FREM2: variants seen among roughly 807,000 people sequenced by gnomAD.
The protein encoded by FREM2 is FRAS1 related extracellular matrix 2, also known as FRAS1-related extracellular matrix protein 2.
In FREM2, 119 loss-of-function variants were observed where a neutral mutation model predicts 219.9. The ratio of observed to expected loss-of-function variants is 0.54; its 90% CI spans 0.47 to 0.63. The LOEUF (loss-of-function observed/expected upper bound fraction) is 0.63. Among genes scored for constraint, FREM2 ranks in the 30% least tolerant of loss-of-function variants. The pLI is 0.00. For missense variants in FREM2, 4,030 were observed against 3,993.6 expected, an observed-to-expected ratio of 1.01 and a Z score of -0.25; for synonymous variants, 1,562 against 1,522.8, an observed-to-expected ratio of 1.03 and a Z score of -0.60.
chr13:38,701,730 A>C (rs949364773), intron 2 of FREM2, among the ~76,000 whole-genome samples: 6 of 152,054 alleles, frequency 3.9e-5, no homozygotes, highest in African/African-American at 1.4e-4. Context: ...TCACTCTTCA[A>C]CACCAGGCTC....
chr13:38,751,889 TGTGTGTG>T (rs1872787723), intron 2 of FREM2, among the ~76,000 whole-genome samples: 9 of 150,814 alleles, frequency 6.0e-5, no homozygotes, highest in African/African-American at 1.9e-4. Context: ...TGTGTGTGTG[TGTGTGTG>T]TTTTCCTTTT....
intron 6 of FREM2, among the ~76,000 whole-genome samples, chr13:38,842,228 G>T (rs916974323): frequency 2.4e-4 from 36 of 152,204 alleles, no homozygotes; most frequent in Admixed American, 4.6e-4. Context: ...TAAGTAGCTT[G>T]TGAATAATCC....
At chr13:38,710,228 A>G (rs1250918392) in intron 2 of FREM2, among the ~76,000 whole-genome samples, 4 of 152,120 alleles carry the variant, frequency 2.6e-5, no homozygotes, top group African/African-American at 9.7e-5. Context: ...CATCAATGAT[A>G]TTGGTCACGG....
At chr13:38,824,669 G>A (rs1009839349) in intron 6 of FREM2, among the ~76,000 whole-genome samples, 8 of 151,982 alleles carry the variant, frequency 5.3e-5, no homozygotes, top group African/African-American at 1.9e-4. Flanking sequence ...TCTGGGTGGG[G>A]CCACAGGAGC....
chr13:38,772,000 T>C (rs1593397398), intron 4 of FREM2, among the ~76,000 whole-genome samples: 1 of 152,258 alleles, frequency 6.6e-6, no homozygotes, highest in East Asian at 1.9e-4. Context: ...GTATTTTTTT[T>C]CCCTTACAAA....
At chr13:38,763,941 G>A (rs1873336063) in intron 2 of FREM2, among the ~76,000 whole-genome samples, 1 of 152,176 alleles carries the variant, frequency 6.6e-6, no homozygotes, top group South Asian at 2.1e-4. Flanking sequence ...GAGCCTTGCA[G>A]CCCTCTGATT....
At chr13:38,831,016 G>A (rs1363286530) in intron 6 of FREM2, among the ~76,000 whole-genome samples, 3 of 152,028 alleles carry the variant, frequency 2.0e-5, no homozygotes, top group Non-Finnish European at 2.9e-5. Flanking sequence ...AAAACCCCTC[G>A]GGTACTTGCA....
Position 38,878,968 on chromosome 13 carries a change from A to G in FREM2, c.8997A>G (p.Pro2999=), listed in dbSNP as rs1878449607. 6.2e-7 allele frequency: 1 copy of G among 1,613,812 alleles called. No individual in the cohort carries two copies. Among genetic ancestry groups the G allele is most frequent in the South Asian group, 1.1e-5 (1 of 91,066 alleles). The change falls in exon 23 of 24, where the codon CCA becomes CCG. Residue 2999 remains proline, a synonymous_variant. Coordinates refer to ENST00000280481, the MANE Select transcript of FREM2 (RefSeq NM_207361.6). ...ATGGATTTAAAGTCGACTCAACACC[A>G]CTCTTTCAGGTAGGCCAAAAACAAG... ...GSDGFKVDST[P]LFQVALGREW... is the part of the protein sequence containing the mutation.
intron 6 of FREM2, among the ~76,000 whole-genome samples, chr13:38,785,881 TGTTAA>T (rs1452283364): frequency 2.9e-4 from 44 of 152,232 alleles, no homozygotes; most frequent in African/African-American, 1.1e-3. Context: ...TACTGTATGT[TGTTAA>T]AATTTCTTCT....
Position 38,772,834 on chromosome 13 carries a change from T to C in FREM2, c.5641+3026T>C, listed in dbSNP as rs1873721554. Among the ~76,000 whole-genome samples, 6 of 152,012 alleles carry C rather than the reference T, an allele frequency of 3.9e-5. No homozygotes were observed. The South Asian group carries it at 1.0e-3, about 26-fold the overall frequency. On this transcript the variant is annotated intron_variant, in intron 4 of 23. Coordinates refer to ENST00000280481, the MANE Select transcript of FREM2 (RefSeq NM_207361.6). ...GTCTCATCCTCCTGAGTAGCCTGGA[T>C]TACGGGCGGTTGCCACCACGCCCGG... is the stretch of plus-strand genomic sequence containing the variant.
At chr13:38,725,003 A>G (rs1871457038) in intron 2 of FREM2, among the ~76,000 whole-genome samples, 2 of 152,210 alleles carry the variant, frequency 1.3e-5, no homozygotes, top group Non-Finnish European at 1.5e-5. Context: ...GGAATGGAAT[A>G]TTTTAAATGT....
Position 38,691,215 on chromosome 13 carries a change from A to G in FREM2, c.3871A>G (p.Thr1291Ala). Residue 1291 changes from threonine to alanine, a missense_variant, in exon 1 of 24, where the codon ACG becomes GCG. Transcript: ENST00000280481. ...LTDGKHSVEK[T>A]VLIIVIPVDD... ...AGATGGGAAGCACTCTGTGGAAAAG[A>G]CGGTCCTCATTATAGTTATCCCTGT... 6.2e-7 allele frequency: 1 copy of G among 1,614,120 alleles called. No individual in the cohort carries two copies. The highest frequency in any genetic ancestry group is 8.5e-7 in the Non-Finnish European group (1 of 1,179,996).
intron 1 of FREM2, among the ~76,000 whole-genome samples, chr13:38,693,945 G>T (rs1462051063): frequency 6.6e-6 from 1 of 152,154 alleles, no homozygotes; most frequent in Non-Finnish European, 1.5e-5. Context: ...GCGATGCCAT[G>T]CCGTCTTACA....
intron 6 of FREM2, among the ~76,000 whole-genome samples, chr13:38,822,453 C>T (rs13378698): frequency 0.16 from 23,398 of 149,688 alleles, 2,489 homozygotes; most frequent in East Asian, 0.33. Flanking sequence ...AAGCCACAGT[C>T]TTTCACAGTC....
rs1168400995 is a variant in FREM2, at chr13:38,848,549, C to T, written c.6258C>T (p.Asp2086=). 1.9e-6 allele frequency: 3 copies of T among 1,614,018 alleles called. No individual in the cohort carries two copies. The highest frequency in any genetic ancestry group is 2.5e-6 in the Non-Finnish European group (3 of 1,179,936). ...MQPVRVVILD[D]LGQPALEGIE... ...CTGTTCGTGTTGTCATTCTGGATGACCTTGGACAACCAGCGCTGGAGGGAA... is the reference window on the plus strand; with the variant it reads ...CTGTTCGTGTTGTCATTCTGGATGATCTTGGACAACCAGCGCTGGAGGGAA... Residue 2086 remains aspartate, a synonymous_variant, in exon 8 of 24, where the codon GAC becomes GAT. Transcript: ENST00000280481.
rs185201862 is a variant in FREM2 at position 38,708,405 on chromosome 13, G to T, written c.5263+10618G>T. On this transcript the variant is annotated intron_variant, in intron 2 of 23. Transcript: ENST00000280481. ...GCAGTGGCTCATGCCTGTAATCCCA[G>T]CATCTTGGGAGGCTAAGGAGGGCAG... Among the ~76,000 whole-genome samples, 263 of 152,278 alleles carry T rather than the reference G, an allele frequency of 1.7e-3. 1 individual carries two copies. Among genetic ancestry groups the T allele is most frequent in the African/African-American group, 6.2e-3 (256 of 41,564 alleles).
chr13:38,737,490 A>G (rs1009440685), intron 2 of FREM2, among the ~76,000 whole-genome samples: 3 of 152,194 alleles, frequency 2.0e-5, no homozygotes, highest in Admixed American at 2.0e-4. Context: ...CTTTGTTTTG[A>G]TCTGTGAGGT....
At chr13:38,880,208 T>C (rs755611126) in intron 23 of FREM2, 76 bp from the exon 24 acceptor site, 19 of 1,419,824 alleles carry the variant, frequency 1.3e-5, no homozygotes, top group Non-Finnish European at 1.8e-5. Flanking sequence ...CTGCCATTAA[T>C]TTCTCTTGCA....
In FREM2 at chr13:38,688,340, G is replaced by T; in HGVS notation, c.996G>T (p.Gln332His). ...CCATGATGATGATGGAGGTGGACCA[G>T]TTTGTACTGACGGCCCTGACCCCAG... ...FVAMMMMEVD[Q>H]FVLTALTPDM... The change falls in exon 1 of 24, where the codon CAG becomes CAT. Residue 332 changes from glutamine to histidine, a missense_variant. By Grantham distance (24) the Gln-to-His change is conservative. This residue lies in a region of FREM2 where 3,102 missense variants were observed against 2,950.7 expected (regional missense o/e 1.05). Coordinates refer to ENST00000280481, the MANE Select transcript of FREM2 (RefSeq NM_207361.6). 2 of 1,614,134 alleles carry T rather than the reference G, an allele frequency of 1.2e-6. No homozygotes were observed. Among genetic ancestry groups the T allele is most frequent in the Middle Eastern group, 1.6e-4 (1 of 6,084 alleles).
Sources: gnomAD v4.1 joint callset for allele counts (sites outside exome capture counted in the v4.1 genomes callset) on GRCh38, gnomAD v4.1.1 for gene constraint, gnomAD v4.1.1 regional missense constraint, MANE v1.5 for transcripts, NCBI Gene and HGNC (gene_info 2026-07-23, HGNC 2026-07-21) for gene names.